Variants in CASK observed in about 807,000 individuals in gnomAD.
CASK encodes the protein calcium/calmodulin dependent serine protein kinase.
A neutral mutation model predicts 82.9 loss-of-function variants in CASK; 4 were observed. The observed-to-expected ratio is 0.05, with a 90% confidence interval of 0.02 to 0.11. The LOEUF (loss-of-function observed/expected upper bound fraction) is 0.11. Among genes scored for constraint, CASK ranks in the 10% least tolerant of loss-of-function variants. The probability of loss-of-function intolerance (pLI) is 1.00; values close to 1 mark genes in which losing one functional copy is unlikely to be tolerated. For missense variants in CASK, 358 were observed against 720.9 expected, an observed-to-expected ratio of 0.50 and a Z score of 5.76; for synonymous variants, 259 against 253.5, an observed-to-expected ratio of 1.02 and a Z score of -0.20.
intron 5 of CASK, among the ~76,000 whole-genome samples, chrX:41,711,194 T>A (rs1337803756): frequency 8.9e-6 from 1 of 111,836 alleles, no homozygotes; most frequent in African/African-American, 3.3e-5. Flanking sequence ...ACCTGTGGAA[T>A]CTGATGCTAT....
chrX:41,733,882 G>A (rs1438020499), intron 5 of CASK, among the ~76,000 whole-genome samples: 1 of 111,793 alleles, frequency 8.9e-6, no homozygotes, highest in Non-Finnish European at 1.9e-5. Flanking sequence ...CATCAGTAAC[G>A]GAGAACAAGA....
intron 12 of CASK, among the ~76,000 whole-genome samples, chrX:41,596,459 T>C (rs12010757): frequency 0.079 from 8,824 of 112,163 alleles, 894 homozygotes; most frequent in African/African-American, 0.27. Context: ...TCAAGTTATA[T>C]TGGAATGACA....
At chrX:41,889,144 T>C (rs2072115183) in intron 1 of CASK, among the ~76,000 whole-genome samples, 1 of 103,162 alleles carries the variant, frequency 9.7e-6, no homozygotes. Flanking sequence ...CTTTGAAGAA[T>C]GCAGTTGCTA....
At chrX:41,771,753 CAA>C (rs961693976) in intron 3 of CASK, among the ~76,000 whole-genome samples, 6 of 110,414 alleles carry the variant, frequency 5.4e-5, no homozygotes, top group Non-Finnish European at 1.1e-4. Flanking sequence ...TCAAATAAAT[CAA>C]GAGAGAAAAA....
intron 1 of CASK, among the ~76,000 whole-genome samples, chrX:41,908,907 C>T (rs886264817): frequency 8.9e-6 from 1 of 111,873 alleles, no homozygotes; most frequent in African/African-American, 3.3e-5. Flanking sequence ...CAACTCTGCC[C>T]CATAGCATAA....
intron 9 of CASK, among the ~76,000 whole-genome samples, chrX:41,628,238 A>T (rs1236456064): frequency 8.9e-6 from 1 of 112,372 alleles, no homozygotes; most frequent in African/African-American, 3.2e-5. Context: ...AATTTTAAAT[A>T]TTAACTCTTG....
intron 2 of CASK, among the ~76,000 whole-genome samples, chrX:41,827,514 T>C (rs2070692613): frequency 8.9e-6 from 1 of 111,917 alleles, no homozygotes; most frequent in African/African-American, 3.3e-5. Flanking sequence ...ACTAATCCCA[T>C]TCACGAGGGC....
At chrX:41,785,383 C>G (rs1274651563) in intron 3 of CASK, among the ~76,000 whole-genome samples, 1 of 111,976 alleles carries the variant, frequency 8.9e-6, no homozygotes, top group Non-Finnish European at 1.9e-5. Context: ...AGGCTCCTTT[C>G]CATTCTGGTT....
At chrX:41,789,166 T>G (rs1236933985) in intron 2 of CASK, among the ~76,000 whole-genome samples, 2 of 111,638 alleles carry the variant, frequency 1.8e-5, no homozygotes, top group Non-Finnish European at 3.8e-5. Context: ...AAGGAAGCAC[T>G]CTGTGTGTTT....
intron 2 of CASK, among the ~76,000 whole-genome samples, chrX:41,820,499 T>C (rs890541634): frequency 9.0e-6 from 1 of 111,338 alleles, no homozygotes; most frequent in Admixed American, 9.6e-5. Flanking sequence ...AGATATTTTC[T>C]GGGAGAATGT....
intron 2 of CASK, among the ~76,000 whole-genome samples, chrX:41,800,060 T>TA (rs760233749): frequency 2.8e-4 from 31 of 110,148 alleles, no homozygotes; most frequent in Non-Finnish European, 5.5e-4. Context: ...GTAAACAGTG[T>TA]AGTCCCCCCT....
At chrX:41,538,128 G>T (rs760718125) in intron 22 of CASK, among the ~76,000 whole-genome samples, 91 of 111,345 alleles carry the variant, frequency 8.2e-4, no homozygotes, top group African/African-American at 2.8e-3. Flanking sequence ...TTACAGGCAT[G>T]AGCCGCTGCG....
intron 5 of CASK, among the ~76,000 whole-genome samples, chrX:41,687,187 C>T (rs1020494490): frequency 2.7e-5 from 3 of 111,829 alleles, no homozygotes; most frequent in Non-Finnish European, 3.8e-5. Context: ...ATAGAATGCA[C>T]GTAGTTAAAT....
intron 1 of CASK, among the ~76,000 whole-genome samples, chrX:41,876,737 G>A (rs903257283): frequency 4.5e-5 from 5 of 112,146 alleles, no homozygotes; most frequent in Non-Finnish European, 9.4e-5. Flanking sequence ...ACTGCATATT[G>A]ATTTAGATTC....
At chrX:41,592,013 C>T (rs549187619) in intron 12 of CASK, among the ~76,000 whole-genome samples, 1 of 109,899 alleles carries the variant, frequency 9.1e-6, no homozygotes, top group Non-Finnish European at 1.9e-5. Flanking sequence ...CACTTTGGGA[C>T]GCTGAGGCAG....
chrX:41,541,111 G>A (rs2064941119), intron 22 of CASK, among the ~76,000 whole-genome samples: 1 of 112,712 alleles, frequency 8.9e-6, no homozygotes, highest in African/African-American at 3.2e-5. Context: ...GAGCCTATTA[G>A]ATTGTGTTAG....
intron 12 of CASK, among the ~76,000 whole-genome samples, chrX:41,593,810 C>A (rs1247430392): frequency 8.9e-6 from 1 of 112,115 alleles, no homozygotes; most frequent in African/African-American, 3.2e-5. Context: ...AGTTCGAATG[C>A]GATGTAACAT....
In CASK at chrX:41,530,553, C is replaced by T. The variant is rs150952078; in HGVS notation, c.2520+454G>A. On this transcript the variant is annotated intron_variant, in intron 25 of 26. Transcript: ENST00000378163. ...CATGCTTGCTTTCATAAAGCTAGTG[C>T]TGTGTTTCAGACCCAGGCCCCAGGA... Among the ~76,000 whole-genome samples, 636 of 111,928 alleles carry T rather than the reference C, an allele frequency of 5.7e-3. 2 individuals carry two copies. The highest frequency in any genetic ancestry group is 0.02 in the African/African-American group (618 of 30,807).
chrX:41,743,339 A>T (rs1236708814), intron 4 of CASK, among the ~76,000 whole-genome samples: 6 of 112,025 alleles, frequency 5.4e-5, no homozygotes, highest in African/African-American at 1.9e-4. Flanking sequence ...TTGAGGGACA[A>T]GAAAGAATAA....
Sources: gnomAD v4.1 joint callset for allele counts (sites outside exome capture counted in the v4.1 genomes callset) on GRCh38, gnomAD v4.1.1 for gene constraint, MANE v1.5 for transcripts, NCBI Gene and HGNC (gene_info 2026-07-23, HGNC 2026-07-21) for gene names.